The following COL23A1 variants were observed in gnomAD, a reference collection of about 807,000 sequenced individuals.
The protein encoded by COL23A1 is collagen type XXIII alpha 1 chain, also known as collagen alpha-1(XXIII) chain.
COL23A1 carries 97 observed loss-of-function variants against 99.3 expected under a neutral mutation model. The ratio of observed to expected loss-of-function variants is 0.98; its 90% CI spans 0.83 to 1.16. COL23A1 has a LOEUF of 1.16. Ranked by LOEUF, COL23A1 falls within the 50% of genes most tolerant of loss-of-function variation. COL23A1 has a pLI of 0.00. For missense variants in COL23A1, 762 were observed against 757.4 expected (o/e 1.01, Z -0.07); for synonymous variants, 320 against 308.2 (o/e 1.04, Z -0.40).
chr5:178,249,938 A>C, intron 18 of COL23A1, 123 bp downstream of exon 18: 1 of 1,332,878 alleles, frequency 7.5e-7, no homozygotes, highest in Non-Finnish European at 1.1e-6. Flanking sequence ...ATGATTTTTG[A>C]TTTTCTCACA....
chr5:178,543,733 G>A (rs1368236491), intron 2 of COL23A1, among the ~76,000 whole-genome samples: 1 of 152,136 alleles, frequency 6.6e-6, no homozygotes, highest in Non-Finnish European at 1.5e-5. Flanking sequence ...GCCTGTTCAT[G>A]CTGCTATAAC....
intron 2 of COL23A1, among the ~76,000 whole-genome samples, chr5:178,344,321 T>C (rs1320044858): frequency 6.6e-6 from 1 of 152,174 alleles, no homozygotes; most frequent in African/African-American, 2.4e-5. Flanking sequence ...TTTACACAGT[T>C]GTTTAGGGAA....
Position 178,308,261 on chromosome 5 carries a change from C to G in COL23A1, c.362-1342G>C, listed in dbSNP as rs564414273. 1.3e-5 allele frequency among the ~76,000 whole-genome samples: 2 copies of G among 152,080 alleles called. No homozygotes were observed. The highest frequency in any genetic ancestry group is 2.4e-5 in the African/African-American group (1 of 41,398). On this transcript the variant is annotated intron_variant, in intron 2 of 28. Transcript: ENST00000390654. The surrounding 1 kb of genome is among the most constrained non-coding windows in gnomAD (Gnocchi z 5.1). ...GAGGGGCCCTCAGTGCTACACGACA[C>G]GTCAAAAGATTTGCAGGCCCAGGGG...
At chr5:178,578,463 A>C (rs1763505120) in intron 1 of COL23A1, among the ~76,000 whole-genome samples, 1 of 152,240 alleles carries the variant, frequency 6.6e-6, no homozygotes, top group South Asian at 2.1e-4. Flanking sequence ...GCGCAGTTAA[A>C]GCACAGTCAA....
At chr5:178,245,489 T>C (rs1273509565) in intron 25 of COL23A1, among the ~76,000 whole-genome samples, 2 of 145,850 alleles carry the variant, frequency 1.4e-5, no homozygotes, top group Non-Finnish European at 3.0e-5. Flanking sequence ...CATCCATTCA[T>C]CATCCACCCA....
chr5:178,368,825 C>A (rs1762638275), intron 2 of COL23A1, among the ~76,000 whole-genome samples: 1 of 152,270 alleles, frequency 6.6e-6, no homozygotes, highest in Admixed American at 6.5e-5. Context: ...TGTTCCTGGG[C>A]TATAAGGTCA....
In COL23A1 at chr5:178,357,497, G is replaced by A. The variant is rs1052325456; in HGVS notation, c.362-50578C>T. Among the ~76,000 whole-genome samples, 5 of 152,326 alleles carry A rather than the reference G, an allele frequency of 3.3e-5. No individual in the cohort carries two copies. In the East Asian group the frequency reaches 7.7e-4, roughly 23 times the overall value. On this transcript the variant is annotated intron_variant, in intron 2 of 28. Transcript: ENST00000390654. Reference sequence around the variant, plus strand: ...TGCGCCTTTGAGGTTTTAACCGTCCGCTGGGGAAACAAGTGAGTTCTTTGA... The same window carrying A: ...TGCGCCTTTGAGGTTTTAACCGTCCACTGGGGAAACAAGTGAGTTCTTTGA...
intron 2 of COL23A1, among the ~76,000 whole-genome samples, chr5:178,500,646 GAA>G (rs1249703780): frequency 2.4e-5 from 2 of 85,002 alleles, no homozygotes; most frequent in Non-Finnish European, 2.5e-5. Context: ...CCCAGAAAAA[GAA>G]AAAAAAAAAA....
intron 2 of COL23A1, among the ~76,000 whole-genome samples, chr5:178,553,121 GACTGCACC>G (rs1015964297): frequency 6.7e-6 from 1 of 148,612 alleles, no homozygotes; most frequent in African/African-American, 2.5e-5. Context: ...AGTGAACCGT[GACTGCACC>G]ACTGCACTTC....
At chr5:178,425,422 AAAATAAATAAAT>A (rs141540849) in intron 2 of COL23A1, among the ~76,000 whole-genome samples, 43,154 of 142,848 alleles carry the variant, frequency 0.3, 9,098 homozygotes, top group African/African-American at 0.58. Flanking sequence ...ACTCCATCTC[AAAATAAATAAAT>A]AAATAAATAA....
chr5:178,346,039 A>ATAAACTTGTAT lies in COL23A1; in HGVS notation c.362-39131_362-39121dup, dbSNP rs544811148. Among the ~76,000 whole-genome samples, 11 of 152,244 alleles carry ATAAACTTGTAT rather than the reference A, an allele frequency of 7.2e-5. No individual in the cohort carries two copies. In the South Asian group the frequency reaches 2.3e-3, roughly 32 times the overall value. ...GTTATTATACATTGCACATATACAA[A>ATAAACTTGTAT]TAAACTTGTATTAGATATCTATAAA... is the stretch of plus-strand genomic sequence containing the variant. On this transcript the variant is annotated intron_variant, in intron 2 of 28. Transcript: ENST00000390654.
rs991417434 is a variant in COL23A1 at position 178,491,318 on chromosome 5, C to T, written c.361+69364G>A. ...GTCTAAGCTGGTGACCCCAAGAGGACGACAGTTCTCCTTCTGTCCTCCATT... is the reference window on the plus strand; with the variant it reads ...GTCTAAGCTGGTGACCCCAAGAGGATGACAGTTCTCCTTCTGTCCTCCATT... On this transcript the variant is annotated intron_variant, in intron 2 of 28. Coordinates refer to ENST00000390654, the MANE Select transcript of COL23A1 (RefSeq NM_173465.4). Among the ~76,000 whole-genome samples, 9 of 152,136 alleles carry T rather than the reference C, an allele frequency of 5.9e-5. No individual in the cohort carries two copies. In the East Asian group the frequency reaches 9.6e-4, roughly 16 times the overall value.
At chr5:178,408,692 C>T (rs919202661) in intron 2 of COL23A1, among the ~76,000 whole-genome samples, 2 of 151,966 alleles carry the variant, frequency 1.3e-5, no homozygotes, top group Non-Finnish European at 2.9e-5. Context: ...CGGTGGCTCA[C>T]GACTGTAATC....
chr5:178,568,674 A>G (rs1762948729), intron 1 of COL23A1, among the ~76,000 whole-genome samples: 3 of 152,256 alleles, frequency 2.0e-5, no homozygotes, highest in African/African-American at 7.2e-5. Context: ...CATAAGCAGA[A>G]TCAACACCAC....
intron 2 of COL23A1, among the ~76,000 whole-genome samples, chr5:178,506,836 G>A (rs972712067): frequency 6.6e-6 from 1 of 152,114 alleles, no homozygotes; most frequent in African/African-American, 2.4e-5. Flanking sequence ...GGTTTTATTT[G>A]TGGTTCTTTT....
chr5:178,529,952 A>C (rs1275890791), intron 2 of COL23A1, among the ~76,000 whole-genome samples: 1 of 152,234 alleles, frequency 6.6e-6, no homozygotes, highest in East Asian at 1.9e-4. Flanking sequence ...GTTTACTTTT[A>C]AGACGAAGGA....
chr5:178,431,427 C>A (rs1766258076), intron 2 of COL23A1, among the ~76,000 whole-genome samples: 1 of 152,236 alleles, frequency 6.6e-6, no homozygotes, highest in Admixed American at 6.5e-5. Context: ...ATCCCCAGAA[C>A]CCGCGAATGG....
intron 5 of COL23A1, among the ~76,000 whole-genome samples, chr5:178,271,331 A>T (rs1397905718): frequency 6.6e-6 from 1 of 152,052 alleles, no homozygotes; most frequent in Non-Finnish European, 1.5e-5. Flanking sequence ...CGCAGCAACG[A>T]TGCACACAGC....
intron 2 of COL23A1, among the ~76,000 whole-genome samples, chr5:178,316,652 T>C (rs1460224893): frequency 2.6e-5 from 4 of 152,242 alleles, no homozygotes; most frequent in African/African-American, 9.6e-5. Context: ...ATCTTGTTTA[T>C]TGGAATCAAA....
Sources: allele counts gnomAD v4.1 joint callset (sites outside exome capture counted in the v4.1 genomes callset), GRCh38; gene constraint gnomAD v4.1.1; non-coding constraint Gnocchi (gnomAD v3.1); transcripts MANE v1.5; gene names NCBI Gene and HGNC (gene_info 2026-07-23, HGNC 2026-07-21).